Variants in HECW1 observed in about 807,000 individuals in gnomAD.
The protein encoded by HECW1 is E3 ubiquitin-protein ligase HECW1.
HECW1 carries 61 observed loss-of-function variants against 182.3 expected under a neutral mutation model. That is an observed-to-expected ratio of 0.33 (90% CI 0.27 to 0.41). HECW1 has a LOEUF of 0.41. Among genes scored for constraint, HECW1 ranks in the 10% least tolerant of loss-of-function variants. The pLI, the probability that HECW1 is intolerant of heterozygous loss-of-function variation, is 1.00. For missense variants in HECW1, 1,739 were observed against 2,108.9 expected (o/e 0.82, Z 3.44); for synonymous variants, 859 against 832.6 (o/e 1.03, Z -0.55).
intron 17 of HECW1, among the ~76,000 whole-genome samples, chr7:43,485,289 G>T (rs1400393657): frequency 1.3e-5 from 2 of 152,188 alleles, no homozygotes; most frequent in African/African-American, 2.4e-5. Flanking sequence ...CAGGAAGCTT[G>T]CTTTTGGGGA....
Position 43,308,379 on chromosome 7 carries a change from T to A in HECW1, c.28-3384T>A, listed in dbSNP as rs1425901050. On this transcript the variant is annotated intron_variant, in intron 3 of 29. Coordinates refer to ENST00000395891, the MANE Select transcript of HECW1 (RefSeq NM_015052.5). Reference sequence around the variant, plus strand: ...ATATATAATATAACATATAATATATTTATATATATATAAAATCTTCACATT... The same window carrying A: ...ATATATAATATAACATATAATATATATATATATATATAAAATCTTCACATT... 6.5e-5 allele frequency among the ~76,000 whole-genome samples: 9 copies of A among 138,838 alleles called. No individual in the cohort carries two copies. In the East Asian group the frequency reaches 1.8e-3, roughly 28 times the overall value. The allele number at this position is 138,838 out of a possible 152,430, so 91.1% of individuals were successfully genotyped here. A position where few individuals can be genotyped will look rare whatever the true frequency, so the allele number is the denominator to read the frequency against.
chr7:43,437,243 G>A (rs2152871318), intron 8 of HECW1, among the ~76,000 whole-genome samples: 2 of 152,196 alleles, frequency 1.3e-5, no homozygotes, highest in Middle Eastern at 6.8e-3. Context: ...GTCTGTGTAT[G>A]TTGATTCACC....
At chr7:43,466,589 AG>A (rs1240665858) in intron 15 of HECW1, 21 bp downstream of exon 15, 1 of 1,610,188 alleles carries the variant, frequency 6.2e-7, no homozygotes, top group Non-Finnish European at 8.5e-7. Flanking sequence ...TAAAATGCAG[AG>A]GGGGCGGCCT....
At chr7:43,347,117 T>A (rs1395835706) in intron 5 of HECW1, among the ~76,000 whole-genome samples, 1 of 152,234 alleles carries the variant, frequency 6.6e-6, no homozygotes, top group Non-Finnish European at 1.5e-5. Context: ...ATTCTACCCA[T>A]CCATGAGCTT....
intron 2 of HECW1, among the ~76,000 whole-genome samples, chr7:43,116,881 C>T (rs555376367): frequency 5.7e-4 from 87 of 152,204 alleles, no homozygotes; most frequent in African/African-American, 2.0e-3. Flanking sequence ...TCTAACATCA[C>T]CATTCTGTGA....
intron 6 of HECW1, among the ~76,000 whole-genome samples, chr7:43,385,557 T>C (rs2074761178): frequency 1.3e-5 from 2 of 151,482 alleles, no homozygotes; most frequent in South Asian, 2.1e-4. Flanking sequence ...GGCAGAGCCG[T>C]CCCTCAGAGA....
intron 8 of HECW1, among the ~76,000 whole-genome samples, chr7:43,431,494 C>T (rs2076547457): frequency 6.6e-6 from 1 of 152,156 alleles, no homozygotes; most frequent in South Asian, 2.1e-4. Flanking sequence ...TTCTCCTTGC[C>T]TGCTAGTCTC....
At chr7:43,122,306 G>A (rs985776802) in intron 2 of HECW1, among the ~76,000 whole-genome samples, 1 of 152,242 alleles carries the variant, frequency 6.6e-6, no homozygotes, top group East Asian at 1.9e-4. Context: ...GTGTCAGACC[G>A]GAGCGAGAAT....
At chr7:43,199,940 T>A (rs569502871) in intron 2 of HECW1, among the ~76,000 whole-genome samples, 75 of 152,318 alleles carry the variant, frequency 4.9e-4, no homozygotes, top group Admixed American at 1.2e-3. Context: ...ATTCTGTTTG[T>A]ATTTAGGGGC....
chr7:43,399,802 G>C lies in HECW1; in HGVS notation c.631+2913G>C, dbSNP rs577287033. Among the ~76,000 whole-genome samples, 3 of 152,330 alleles carry C rather than the reference G, an allele frequency of 2.0e-5. No individual in the cohort carries two copies. In the East Asian group the frequency reaches 5.8e-4, roughly 29 times the overall value. On this transcript the variant is annotated intron_variant, in intron 7 of 29. Coordinates refer to ENST00000395891, the MANE Select transcript of HECW1 (RefSeq NM_015052.5). ...CATTCCCAGCAAAGGAAAGTGACTA[G>C]GAATATAAAGTTAGTAGCTAGCGGA...
intron 24 of HECW1, among the ~76,000 whole-genome samples, chr7:43,518,321 C>G (rs2080265054): frequency 6.6e-6 from 1 of 151,820 alleles, no homozygotes; most frequent in African/African-American, 2.4e-5. Context: ...ATGGTGAAAC[C>G]CCATCTCTAC....
chr7:43,350,570 T>C (rs1210249538), intron 5 of HECW1, among the ~76,000 whole-genome samples: 1 of 152,200 alleles, frequency 6.6e-6, no homozygotes, highest in African/African-American at 2.4e-5. Flanking sequence ...CTTACTCTTT[T>C]TCCTTTGTCT....
At chr7:43,374,839 A>G (rs1026860853) in intron 6 of HECW1, among the ~76,000 whole-genome samples, 4 of 132,076 alleles carry the variant, frequency 3.0e-5, no homozygotes, top group African/African-American at 1.3e-4. Context: ...AGATGAAAAT[A>G]TTTTTTATCT....
At chr7:43,142,977 C>T (rs2330743) in intron 2 of HECW1, among the ~76,000 whole-genome samples, 69,096 of 151,952 alleles carry the variant, frequency 0.45, 15,855 homozygotes, top group African/African-American at 0.48. Context: ...ATGTAACACT[C>T]CAGACTGGAG....
intron 6 of HECW1, among the ~76,000 whole-genome samples, chr7:43,367,850 T>C (rs1455932360): frequency 6.6e-6 from 1 of 152,184 alleles, no homozygotes; most frequent in African/African-American, 2.4e-5. Context: ...AGAATCCACA[T>C]CACATTTTTT....
At position 43,387,265 on chromosome 7, in the gene HECW1, G is replaced by T. The variant is rs370721022; in HGVS notation, c.556-9549G>T. On this transcript the variant is annotated intron_variant, in intron 6 of 29. Transcript: ENST00000395891. Reference sequence around the variant, plus strand: ...TTGAATGGATCGAGGTTATGGAAACGGATTCATCTTCACTCTTCCTGTTCT... The same window carrying T: ...TTGAATGGATCGAGGTTATGGAAACTGATTCATCTTCACTCTTCCTGTTCT... Among the ~76,000 whole-genome samples, 4 of 151,996 alleles carry T rather than the reference G, an allele frequency of 2.6e-5. No individual in the cohort carries two copies. In the East Asian group the frequency reaches 5.8e-4, roughly 22 times the overall value.
Position 43,374,526 on chromosome 7 carries a change from G to GTTT in HECW1, c.555+13546_555+13547insTTT, listed in dbSNP as rs1562902374. Among the ~76,000 whole-genome samples, 94 of 123,646 alleles carry GTTT rather than the reference G, an allele frequency of 7.6e-4. 3 individuals are homozygous for GTTT. The highest frequency in any genetic ancestry group is 2.4e-3 in the South Asian group (9 of 3,814). 81.1% of individuals were successfully genotyped at this position (123,646 alleles called of 152,430 possible). A position where few individuals can be genotyped will look rare whatever the true frequency, so the allele number is the denominator to read the frequency against. The stretch of plus-strand genomic sequence containing the variant: ...GAAATCTAATTTATGAACAACAGAT[G>GTTT]CACTTTGGGAGGCCGAGGCGGGCGG... On this transcript the variant is annotated intron_variant, in intron 6 of 29. Coordinates refer to ENST00000395891, the MANE Select transcript of HECW1 (RefSeq NM_015052.5).
At chr7:43,488,418 GAGAGAAAGAAAGAA>G (rs1158478091) in intron 17 of HECW1, among the ~76,000 whole-genome samples, 90 of 85,030 alleles carry the variant, frequency 1.1e-3, no homozygotes, top group African/African-American at 3.6e-3. Flanking sequence ...GAAAGAGAGA[GAGAGAAAGAAAGAA>G]AGAGAAAGAA....
chr7:43,521,161 C>T (rs1479724825), intron 24 of HECW1, among the ~76,000 whole-genome samples: 2 of 152,206 alleles, frequency 1.3e-5, no homozygotes, highest in Admixed American at 1.3e-4. Context: ...TATGTTGAAA[C>T]TTAATCACCA....
Sources: gnomAD v4.1 joint callset for allele counts (sites outside exome capture counted in the v4.1 genomes callset) on GRCh38, gnomAD v4.1.1 for gene constraint, MANE v1.5 for transcripts, NCBI Gene and HGNC (gene_info 2026-07-23, HGNC 2026-07-21) for gene names.